The following ST3GAL1 variants were observed in gnomAD, a reference collection of about 807,000 sequenced individuals.
ST3GAL1 encodes the protein ST3 beta-galactoside alpha-2,3-sialyltransferase 1, also known as CMP-N-acetylneuraminate-beta-galactosamide-alpha-2,3-sialyltransferase 1.
In ST3GAL1, 16 loss-of-function variants were observed where a neutral mutation model predicts 34.1. That is an observed-to-expected ratio of 0.47 (90% CI 0.32 to 0.71). ST3GAL1 has a LOEUF of 0.71. Among genes scored for constraint, ST3GAL1 ranks in the 30% least tolerant of loss-of-function variants. The probability of loss-of-function intolerance (pLI) is 0.04; values close to 1 mark genes in which losing one functional copy is unlikely to be tolerated. For missense variants in ST3GAL1, 353 were observed against 447.4 expected (o/e 0.79, Z 1.90); for synonymous variants, 191 against 184.7 (o/e 1.03, Z -0.28).
chr8:133,553,532 A>G lies in ST3GAL1; in HGVS notation c.-581-7606T>C, dbSNP rs76390177. 3.3e-3 allele frequency among the ~76,000 whole-genome samples: 497 copies of G among 152,360 alleles called. 1 individual carries two copies. Among genetic ancestry groups the G allele is most frequent in the African/African-American group, 0.011 (474 of 41,576 alleles). On this transcript the variant is annotated intron_variant, in intron 1 of 9. Coordinates refer to ENST00000522652, the MANE Select transcript of ST3GAL1 (RefSeq NM_173344.3). ...AACTGACCAGGGTCTTGGACAAGTT[A>G]TCTCATCACTCAGTACCTGTGTCTC... is the stretch of plus-strand genomic sequence containing the variant.
Position 133,497,455 on chromosome 8 carries a change from A to ATTTTTTTTTTTTTTTTTTTTTTTTTTT in ST3GAL1, c.-374+1679_-374+1680insAAAAAAAAAAAAAAAAAAAAAAAAAAA, listed in dbSNP as rs1816988627. Among the ~76,000 whole-genome samples the ATTTTTTTTTTTTTTTTTTTTTTTTTTT allele has an allele frequency of 1.6e-4, 16 of 101,242 alleles. 8 individuals are homozygous for ATTTTTTTTTTTTTTTTTTTTTTTTTTT. The highest frequency in any genetic ancestry group is 6.5e-4 in the South Asian group (2 of 3,070). The allele number at this position is 101,242 out of a possible 152,430, so 66.4% of individuals were successfully genotyped here. A position where few individuals can be genotyped will look rare whatever the true frequency, so the allele number is the denominator to read the frequency against. Reference sequence around the variant, plus strand: ...CTTCTCTCCCATGCAATTTTGTTGGAATTTTTTTTTTTTTTTTTTTTTTTT... The same window carrying ATTTTTTTTTTTTTTTTTTTTTTTTTTT: ...CTTCTCTCCCATGCAATTTTGTTGGATTTTTTTTTTTTTTTTTTTTTTTTTTTATTTTTTTTTTTTTTTTTTTTTTTT... On this transcript the variant is annotated intron_variant, in intron 3 of 9. Transcript: ENST00000522652.
intron 2 of ST3GAL1, among the ~76,000 whole-genome samples, chr8:133,500,296 G>T (rs1264566645): frequency 6.6e-6 from 1 of 152,150 alleles, no homozygotes; most frequent in Non-Finnish European, 1.5e-5. Flanking sequence ...GCCCTCAGAC[G>T]TTAATATCAC....
chr8:133,540,315 C>T (rs532742252), intron 2 of ST3GAL1, among the ~76,000 whole-genome samples: 19 of 152,310 alleles, frequency 1.2e-4, no homozygotes, highest in African/African-American at 4.1e-4. Context: ...GAATATTGAA[C>T]GACTGCCAGG....
intron 2 of ST3GAL1, among the ~76,000 whole-genome samples, chr8:133,502,448 C>T (rs1188371977): frequency 1.3e-5 from 2 of 149,578 alleles, no homozygotes; most frequent in African/African-American, 2.5e-5. Context: ...AAAGAGGTGC[C>T]AGAAAGCACT....
intron 1 of ST3GAL1, among the ~76,000 whole-genome samples, chr8:133,552,408 G>A (rs1818889669): frequency 2.0e-5 from 3 of 152,220 alleles, no homozygotes; most frequent in African/African-American, 7.2e-5. Context: ...CATCTGGTGT[G>A]AGTGCTGGAA....
Position 133,570,259 on chromosome 8 carries a change from G to A in ST3GAL1, c.-582+1434C>T, listed in dbSNP as rs1443837332. 6.6e-6 allele frequency: 1 copy of A among 152,302 alleles called. No individual in the cohort carries two copies. The highest frequency in any genetic ancestry group is 1.5e-5 in the Non-Finnish European group (1 of 68,090). The allele number at this position is 152,302 out of a possible 1,614,324, so 9.4% of individuals were successfully genotyped here. On this transcript the variant is annotated intron_variant, in intron 1 of 9. Transcript: ENST00000522652. This position sits in a 1 kb window ranked among gnomAD's most constrained non-coding sequence, Gnocchi z 5.6. ...ACTTGCGGGGCTTGGGGACCCGCGAGGGGGAGAAGTCGGGAGAGGCCAGGG... is the reference window on the plus strand; with the variant it reads ...ACTTGCGGGGCTTGGGGACCCGCGAAGGGGAGAAGTCGGGAGAGGCCAGGG...
At chr8:133,546,359 T>C (rs1223211463) in intron 1 of ST3GAL1, among the ~76,000 whole-genome samples, 2 of 151,890 alleles carry the variant, frequency 1.3e-5, no homozygotes, top group Non-Finnish European at 2.9e-5. Flanking sequence ...GGCGCACACC[T>C]GTAGTCTCAG....
rs1819578705 is a variant in ST3GAL1, at chr8:133,571,756, G to C, written c.-645C>G. On this transcript the variant is annotated 5_prime_UTR_variant, in exon 1 of 10. Coordinates refer to ENST00000522652, the MANE Select transcript of ST3GAL1 (RefSeq NM_173344.3). The surrounding 1 kb of genome is among the most constrained non-coding windows in gnomAD (Gnocchi z 6.7). ...ATGAAGGGGTTCGGAGGAGAATACA[G>C]GGGTGTGGGTGTCCCGGACACTTGC... 6.5e-6 allele frequency: 1 copy of C among 152,790 alleles called. No individual in the cohort carries two copies. Among genetic ancestry groups the C allele is most frequent in the South Asian group, 2.1e-4 (1 of 4,850 alleles). 9.5% of individuals were successfully genotyped at this position (152,790 alleles called of 1,614,324 possible).
At chr8:133,553,240 G>A (rs1818911454) in intron 1 of ST3GAL1, among the ~76,000 whole-genome samples, 1 of 152,120 alleles carries the variant, frequency 6.6e-6, no homozygotes, top group South Asian at 2.1e-4. Flanking sequence ...TGGCCAGAAC[G>A]TAAGCAGAAC....
intron 3 of ST3GAL1, among the ~76,000 whole-genome samples, chr8:133,482,651 A>G (rs1816439806): frequency 6.6e-6 from 1 of 152,212 alleles, no homozygotes; most frequent in Admixed American, 6.5e-5. Context: ...GGGACTTCCC[A>G]TTATTGAAAA....
At position 133,570,818 on chromosome 8, in the gene ST3GAL1, T is replaced by TG. The variant is rs535712704; in HGVS notation, c.-582+874_-582+875insC. Among the ~76,000 whole-genome samples the TG allele has an allele frequency of 6.3e-4, 96 of 152,234 alleles. No individual in the cohort carries two copies. The highest frequency in any genetic ancestry group is 2.0e-3 in the African/African-American group (84 of 41,532). On this transcript the variant is annotated intron_variant, in intron 1 of 9. Transcript: ENST00000522652. This position sits in a 1 kb window ranked among gnomAD's most constrained non-coding sequence, Gnocchi z 5.6. ...GTCACCGCTGTCCGTCCCCGTGCGC[T>TG]CCCAGAAGGGGTGGCCCTGCCCCCA...
intron 3 of ST3GAL1, among the ~76,000 whole-genome samples, chr8:133,488,873 G>C (rs1003276857): frequency 6.6e-6 from 1 of 152,028 alleles, no homozygotes; most frequent in Non-Finnish European, 1.5e-5. Flanking sequence ...CAGACAGGGG[G>C]GGCCAGGCAA....
intron 1 of ST3GAL1, among the ~76,000 whole-genome samples, chr8:133,564,034 C>T (rs538344768): frequency 2.6e-5 from 4 of 152,298 alleles, no homozygotes; most frequent in Admixed American, 1.3e-4. Flanking sequence ...TGCAACAAAT[C>T]GCTCCATGCT....
chr8:133,569,183 C>G (rs1251749023), intron 1 of ST3GAL1, among the ~76,000 whole-genome samples: 2 of 152,246 alleles, frequency 1.3e-5, no homozygotes, highest in African/African-American at 4.8e-5. Flanking sequence ...AGCCCAGGTC[C>G]TGGCCTTGTC....
At chr8:133,484,896 CCTGGGTATCACGCA>C (rs1268951383) in intron 3 of ST3GAL1, among the ~76,000 whole-genome samples, 1 of 152,170 alleles carries the variant, frequency 6.6e-6, no homozygotes, top group African/African-American at 2.4e-5. Context: ...CTCCCTGCTC[CCTGGGTATCACGCA>C]CTGGGAATTG....
intron 1 of ST3GAL1, among the ~76,000 whole-genome samples, chr8:133,561,627 T>C (rs1427420563): frequency 6.6e-6 from 1 of 152,188 alleles, no homozygotes; most frequent in Non-Finnish European, 1.5e-5. Context: ...AATGAGGATG[T>C]AGAGACTTAG....
rs375433868 is a variant in ST3GAL1 at position 133,556,116 on chromosome 8, G to A, written c.-581-10190C>T. Among the ~76,000 whole-genome samples, 53 of 152,112 alleles carry A rather than the reference G, an allele frequency of 3.5e-4. No homozygotes were observed. The highest frequency in any genetic ancestry group is 1.1e-3 in the African/African-American group (45 of 41,504). On this transcript the variant is annotated intron_variant, in intron 1 of 9. Transcript: ENST00000522652. The surrounding 1 kb of genome is among the most constrained non-coding windows in gnomAD (Gnocchi z 8.9). ...TCATCATGTTGCCCAGGCTGATCTCGAACTCCTGAGCTCAGGCAATCCACC... is the reference window on the plus strand; with the variant it reads ...TCATCATGTTGCCCAGGCTGATCTCAAACTCCTGAGCTCAGGCAATCCACC...
At chr8:133,506,588 C>T (rs1239303244) in intron 2 of ST3GAL1, among the ~76,000 whole-genome samples, 2 of 151,320 alleles carry the variant, frequency 1.3e-5, no homozygotes, top group East Asian at 3.9e-4. Flanking sequence ...AGTTCGAGAC[C>T]AGCCTGGCCA....
rs1447823519 is a variant in ST3GAL1 at position 133,466,104 on chromosome 8, A to T, written c.307-14T>A. On this transcript the variant is annotated splice_polypyrimidine_tract_variant and intron_variant, in intron 5 of 9. Coordinates refer to ENST00000522652, the MANE Select transcript of ST3GAL1 (RefSeq NM_173344.3). This position sits in a 1 kb window ranked among gnomAD's most constrained non-coding sequence, Gnocchi z 4.4. ...CCGCTGGAGCCTCTGTGGGCGGAGG[A>T]CAGAAGGTGGTCAACCTGGCTTTGT... 1 of 1,600,894 alleles carries T rather than the reference A, an allele frequency of 6.2e-7. No individual in the cohort carries two copies. Among genetic ancestry groups the T allele is most frequent in the Non-Finnish European group, 8.5e-7 (1 of 1,171,040 alleles).
Sources: allele counts gnomAD v4.1 joint callset (sites outside exome capture counted in the v4.1 genomes callset), GRCh38; gene constraint gnomAD v4.1.1; non-coding constraint Gnocchi (gnomAD v3.1); transcripts MANE v1.5; gene names NCBI Gene and HGNC (gene_info 2026-07-23, HGNC 2026-07-21).